Variants in SMYD1 observed in about 807,000 individuals in gnomAD.
The protein encoded by SMYD1 is histone-lysine N-methyltransferase SMYD1.
A neutral mutation model predicts 54.0 loss-of-function variants in SMYD1; 49 were observed. That is an observed-to-expected ratio of 0.91 (90% CI 0.72 to 1.15). The LOEUF (loss-of-function observed/expected upper bound fraction) is 1.15. SMYD1 is among the 50% of genes most tolerant of loss of function. SMYD1 has a pLI of 0.00. For synonymous variants in SMYD1, 269 were observed against 234.2 expected (o/e 1.15, Z -1.36); for missense variants, 653 against 639.6 (o/e 1.02, Z -0.23).
Position 88,110,349 on chromosome 2 carries a change from C to A in SMYD1, c.1315-5C>A. On this transcript the variant is annotated splice_polypyrimidine_tract_variant and splice_region_variant and intron_variant, in intron 9 of 9. Transcript: ENST00000419482. Reference sequence around the variant, plus strand: ...CACTGTTTACGGTGTATCTGTGTCCCACAGGCCATGCGGGTGCAGACGGAG... The same window carrying A: ...CACTGTTTACGGTGTATCTGTGTCCAACAGGCCATGCGGGTGCAGACGGAG... 6.2e-7 allele frequency: 1 copy of A among 1,609,616 alleles called. No individual in the cohort carries two copies. Among genetic ancestry groups the A allele is most frequent in the Non-Finnish European group, 8.5e-7 (1 of 1,177,770 alleles).
chr2:88,083,957 G>A (rs1052128069), intron 1 of SMYD1, among the ~76,000 whole-genome samples: 1 of 152,204 alleles, frequency 6.6e-6, no homozygotes, highest in Non-Finnish European at 1.5e-5. Context: ...AGCTGGGTGT[G>A]GTGGCACATG....
intron 3 of SMYD1, 150 bp downstream of exon 3, chr2:88,088,225 C>T: frequency 1.1e-6 from 1 of 942,184 alleles, no homozygotes; most frequent in East Asian, 2.8e-5. Flanking sequence ...CCATAAAGGT[C>T]TCATCTAGCC....
rs543084507 is a variant in SMYD1 at position 88,085,081 on chromosome 2, A to G, written c.314+589A>G. ...CAAGTATTTTTAAATTGATCCACCA[A>G]TGTTTAAAAATTGGGAAATTTCACA... On this transcript the variant is annotated intron_variant, in intron 2 of 9. Transcript: ENST00000419482. 1.6e-4 allele frequency among the ~76,000 whole-genome samples: 25 copies of G among 152,224 alleles called. No homozygotes were observed. The South Asian group carries it at 4.1e-3, about 25-fold the overall frequency.
chr2:88,108,106 A>G (rs756543624), intron 8 of SMYD1, among the ~76,000 whole-genome samples: 1 of 152,198 alleles, frequency 6.6e-6, no homozygotes, highest in Non-Finnish European at 1.5e-5. Flanking sequence ...CTCAGAAAGT[A>G]TGATCCTGGT....
At chr2:88,093,060 A>T (rs1674497782) in intron 4 of SMYD1, among the ~76,000 whole-genome samples, 1 of 152,206 alleles carries the variant, frequency 6.6e-6, no homozygotes, top group Non-Finnish European at 1.5e-5. Context: ...AACCCCAACA[A>T]TTTTTACATA....
At chr2:88,108,712 C>G (rs367740506) in intron 9 of SMYD1, among the ~76,000 whole-genome samples, 173 bp downstream of exon 9, 1 of 152,108 alleles carries the variant, frequency 6.6e-6, no homozygotes, top group Non-Finnish European at 1.5e-5. Flanking sequence ...TTCATGTTAC[C>G]CTAAATGAAT....
intron 4 of SMYD1, among the ~76,000 whole-genome samples, chr2:88,092,939 T>G (rs1488404989): frequency 6.6e-6 from 1 of 152,252 alleles, no homozygotes; most frequent in Non-Finnish European, 1.5e-5. Flanking sequence ...AGCAGCCACA[T>G]TTTATCCAGG....
chr2:88,073,133 C>G (rs1276251759), intron 1 of SMYD1, among the ~76,000 whole-genome samples: 1 of 152,190 alleles, frequency 6.6e-6, no homozygotes, highest in East Asian at 1.9e-4. Context: ...CAATGTTTAT[C>G]TCCCACTTCA....
chr2:88,076,773 G>A (rs1674076094), intron 1 of SMYD1, among the ~76,000 whole-genome samples: 2 of 152,174 alleles, frequency 1.3e-5, no homozygotes, highest in South Asian at 2.1e-4. Flanking sequence ...TTGGGAAGCT[G>A]AGGCAGGCGG....
At chr2:88,104,213 G>T (rs758325702) in intron 7 of SMYD1, among the ~76,000 whole-genome samples, 1 of 152,102 alleles carries the variant, frequency 6.6e-6, no homozygotes, top group Non-Finnish European at 1.5e-5. Flanking sequence ...TGATCTGCCC[G>T]CCTTGGCCTC....
At chr2:88,076,387 TTTTG>T (rs1558846938) in intron 1 of SMYD1, among the ~76,000 whole-genome samples, 1 of 152,032 alleles carries the variant, frequency 6.6e-6, no homozygotes. Context: ...GCTAATTGTT[TTTTG>T]TTTGTTTGTT....
intron 9 of SMYD1, among the ~76,000 whole-genome samples, chr2:88,109,687 A>G (rs140561755): frequency 6.6e-6 from 1 of 152,164 alleles, no homozygotes; most frequent in East Asian, 1.9e-4. Flanking sequence ...TCCTCTTACT[A>G]TTCAGATCCC....
At chr2:88,105,767 G>A (rs1271163362) in intron 7 of SMYD1, among the ~76,000 whole-genome samples, 1 of 152,052 alleles carries the variant, frequency 6.6e-6, no homozygotes, top group Non-Finnish European at 1.5e-5. Context: ...GAGAAACCCT[G>A]TCTCTACTAA....
rs1257087749 is a variant in SMYD1 at position 88,103,096 on chromosome 2, C to T, written c.927C>T (p.Ser309=). 6.2e-6 allele frequency: 10 copies of T among 1,614,080 alleles called. No homozygotes were observed. Among genetic ancestry groups the T allele is most frequent in the Non-Finnish European group, 8.5e-6 (10 of 1,179,990 alleles). The change falls in exon 7 of 10, where the codon TCC becomes TCT. Residue 309 remains serine (S), a synonymous_variant. Coordinates refer to ENST00000419482, the MANE Select transcript of SMYD1 (RefSeq NM_198274.4). ...TGGTGAAGGAGATGATACAATTCTCCAAGGATACATTGGAAAAGATAGACA... is the reference window on the plus strand; with the variant it reads ...TGGTGAAGGAGATGATACAATTCTCTAAGGATACATTGGAAAAGATAGACA... ...QEVVKEMIQF[S]KDTLEKIDKA... is the part of the protein sequence containing the mutation.
chr2:88,109,970 A>G (rs1006593066), intron 9 of SMYD1, among the ~76,000 whole-genome samples: 2 of 152,188 alleles, frequency 1.3e-5, no homozygotes, highest in Non-Finnish European at 2.9e-5. Flanking sequence ...TAAGGTATGA[A>G]GCCACAAAAT....
chr2:88,112,346 T>C lies in SMYD1; in HGVS notation c.*1834T>C. 3 of 583,310 alleles carry C rather than the reference T, an allele frequency of 5.1e-6. No homozygotes were observed. Among genetic ancestry groups the C allele is most frequent in the South Asian group, 2.1e-5 (1 of 47,488 alleles). 36.1% of individuals were successfully genotyped at this position (583,310 alleles called of 1,614,324 possible). On this transcript the variant is annotated 3_prime_UTR_variant, in exon 10 of 10. Transcript: ENST00000419482. ...CTAATATTTGTTGTCTTTAACAAAC[T>C]GTGTTCTGTGTCTGTGCTCCTCCTT... is the stretch of plus-strand genomic sequence containing the variant.
rs1446415761 is a variant in SMYD1, at chr2:88,112,823, C to T, written c.*2311C>T. On this transcript the variant is annotated 3_prime_UTR_variant, in exon 10 of 10. Coordinates refer to ENST00000419482, the MANE Select transcript of SMYD1 (RefSeq NM_198274.4). The stretch of plus-strand genomic sequence containing the variant: ...TAGTTTCTCAGGTTCCTTCGCTGGT[C>T]CTTTTTCTTTCCCTGCCCCTGACAT... 6.6e-6 allele frequency: 1 copy of T among 152,346 alleles called. No individual in the cohort carries two copies. The highest frequency in any genetic ancestry group is 2.4e-5 in the African/African-American group (1 of 41,434). The allele number at this position is 152,346 out of a possible 1,614,324, so 9.4% of individuals were successfully genotyped here.
intron 4 of SMYD1, 60 bp from the exon 5 acceptor site, chr2:88,093,457 G>T: frequency 6.2e-7 from 1 of 1,600,186 alleles, no homozygotes; most frequent in Non-Finnish European, 8.6e-7. Flanking sequence ...CCTTGCACTG[G>T]ATCACACCTG....
chr2:88,099,106 A>C (rs1674664809), intron 6 of SMYD1, among the ~76,000 whole-genome samples: 2 of 151,854 alleles, frequency 1.3e-5, no homozygotes, highest in Non-Finnish European at 1.5e-5. Context: ...TTTATTTTTG[A>C]GACGAGGTTT....
Sources: allele counts gnomAD v4.1 joint callset (sites outside exome capture counted in the v4.1 genomes callset), GRCh38; gene constraint gnomAD v4.1.1; transcripts MANE v1.5; gene names NCBI Gene and HGNC (gene_info 2026-07-23, HGNC 2026-07-21).